SPATA22: variants seen among roughly 807,000 people sequenced by gnomAD.
SPATA22 encodes spermatogenesis associated 22.
SPATA22 carries 29 observed loss-of-function variants against 47.8 expected under a neutral mutation model. That is an observed-to-expected ratio of 0.61 (90% CI 0.45 to 0.83). The LOEUF (loss-of-function observed/expected upper bound fraction) is 0.83. SPATA22 is among the 40% of genes least tolerant of loss of function. The pLI is 0.00. For missense variants in SPATA22, 410 were observed against 421.7 expected (o/e 0.97, Z 0.24); for synonymous variants, 133 against 140.9 (o/e 0.94, Z 0.40).
At chr17:3,472,443 T>A (rs1172865042), upstream of SPATA22, 1 of 152,532 alleles carries the variant, frequency 6.6e-6, no homozygotes, top group East Asian at 1.9e-4. Context: ...GACTGTGGAT[T>A]CCTGGCCCTG....
chr17:3,484,652 A>C (rs1165399516), intron 1 of SPATA22, among the ~76,000 whole-genome samples: 2 of 152,254 alleles, frequency 1.3e-5, no homozygotes, highest in Non-Finnish European at 2.9e-5. Flanking sequence ...AATGTAATTT[A>C]AAAATGGATT....
At chr17:3,443,378 G>C in intron 7 of SPATA22, 107 bp from the exon 8 acceptor site, 1 of 693,520 alleles carries the variant, frequency 1.4e-6, no homozygotes, top group African/African-American at 1.9e-5. Context: ...ACCTCTCATA[G>C]TGCTATTTAT....
intron 1 of SPATA22, among the ~76,000 whole-genome samples, chr17:3,480,121 G>A (rs2073601735): frequency 1.3e-5 from 2 of 152,206 alleles, no homozygotes; most frequent in South Asian, 2.1e-4. Context: ...TAGGCCAGGT[G>A]TGGCTGCTCA....
At chr17:3,492,085 C>A in intron 1 of SPATA22, among the ~76,000 whole-genome samples, 1 of 152,046 alleles carries the variant, frequency 6.6e-6, no homozygotes, top group East Asian at 1.9e-4. Flanking sequence ...CCACGTTGCC[C>A]AGGCTGGTCT....
At position 3,481,806 on chromosome 17, in the gene SPATA22, T is replaced by C. The variant is rs1348671675; in HGVS notation, c.-73-12408A>G. 1 of 1,571,020 alleles carries C rather than the reference T, an allele frequency of 6.4e-7. No homozygotes were observed. The highest frequency in any genetic ancestry group is 8.7e-7 in the Non-Finnish European group (1 of 1,148,764). On this transcript the variant is annotated intron_variant, in intron 1 of 8. Transcript: ENST00000541913. ...ATGTTTCATTACATTAAGGTAATGT[T>C]AATGTTATTAATTTATAAGTTAGCA...
chr17:3,502,741 CCT>C (rs2074006069), intron 1 of SPATA22: 1 of 152,278 alleles, frequency 6.6e-6, no homozygotes, highest in Non-Finnish European at 1.5e-5. Context: ...TCACGCACCC[CCT>C]GAGGAGCTAA....
At chr17:3,480,579 C>T (rs938365407) in intron 1 of SPATA22, among the ~76,000 whole-genome samples, 10 of 152,200 alleles carry the variant, frequency 6.6e-5, no homozygotes, top group Admixed American at 6.5e-4. Flanking sequence ...TTAGGTTTTA[C>T]AATAGTGATG....
chr17:3,448,323 T>G (rs1483757747), intron 6 of SPATA22, among the ~76,000 whole-genome samples: 1 of 152,204 alleles, frequency 6.6e-6, no homozygotes, highest in Non-Finnish European at 1.5e-5. Context: ...AGGAGAGCAG[T>G]GTCCATTCAT....
intron 1 of SPATA22, among the ~76,000 whole-genome samples, chr17:3,509,170 G>A (rs1015385021): frequency 1.3e-5 from 2 of 151,836 alleles, no homozygotes; most frequent in African/African-American, 2.4e-5. Flanking sequence ...CAACAGCCAT[G>A]ATGGATAGAG....
intron 1 of SPATA22, among the ~76,000 whole-genome samples, chr17:3,482,947 C>T (rs1283957479): frequency 1.7e-5 from 2 of 116,150 alleles, no homozygotes; most frequent in Admixed American, 9.8e-5. Flanking sequence ...CCCCTCCCCC[C>T]ACCCCAATTC....
chr17:3,462,236 A>G (rs889727036), intron 5 of SPATA22, among the ~76,000 whole-genome samples: 10 of 152,228 alleles, frequency 6.6e-5, no homozygotes, highest in Non-Finnish European at 1.5e-4. Context: ...CAGAAATTTC[A>G]TTGTCATATT....
chr17:3,449,852 AT>A lies in SPATA22; in HGVS notation c.330-704del, dbSNP rs927595752. ...GAAACAAAACTAGTCTAAGTCACGA[AT>A]TTTTTTTTTTTCTCTTGGAGACAGG... On this transcript the variant is annotated intron_variant, in intron 5 of 8. Coordinates refer to ENST00000572969, the MANE Select transcript of SPATA22 (RefSeq NM_001170698.2). Among the ~76,000 whole-genome samples, 110 of 147,554 alleles carry A rather than the reference AT, an allele frequency of 7.5e-4. No homozygotes were observed. In the South Asian group the frequency reaches 0.013, roughly 18 times the overall value.
chr17:3,454,891 G>C (rs1036475402), intron 5 of SPATA22, among the ~76,000 whole-genome samples: 1 of 152,098 alleles, frequency 6.6e-6, no homozygotes, highest in African/African-American at 2.4e-5. Flanking sequence ...TTCCACAATG[G>C]TTGAACTAGT....
At chr17:3,446,357 C>T (rs2072725981) in intron 7 of SPATA22, 115 bp downstream of exon 7, 2 of 1,008,556 alleles carry the variant, frequency 2.0e-6, no homozygotes, top group South Asian at 1.7e-5. Flanking sequence ...TTTGAATACA[C>T]TTTAGGGAGT....
intron 8 of SPATA22, 56 bp downstream of exon 8, chr17:3,443,118 G>T: frequency 2.6e-6 from 3 of 1,166,044 alleles, no homozygotes; most frequent in Non-Finnish European, 3.8e-6. Flanking sequence ...ATTATAGCCT[G>T]CATGTTTATA....
intron 5 of SPATA22, among the ~76,000 whole-genome samples, chr17:3,461,548 C>T (rs554216044): frequency 6.6e-6 from 1 of 152,200 alleles, no homozygotes; most frequent in Non-Finnish European, 1.5e-5. Context: ...TCCCAAACCA[C>T]TGAACAGGCC....
chr17:3,477,868 T>A (rs1010359439), intron 1 of SPATA22, among the ~76,000 whole-genome samples: 2 of 151,564 alleles, frequency 1.3e-5, no homozygotes, highest in Non-Finnish European at 2.9e-5. Context: ...CCTCAAGGAG[T>A]TGGTAGACTA....
Position 3,494,309 on chromosome 17 carries a change from A to G in SPATA22, c.-74+19103T>C, listed in dbSNP as rs376352563. 1.3e-3 allele frequency: 1,879 copies of G among 1,468,380 alleles called. 1 individual carries two copies. The highest frequency in any genetic ancestry group is 1.7e-3 in the Non-Finnish European group (1,750 of 1,048,816). The allele number at this position is 1,468,380 out of a possible 1,614,324, so 91.0% of individuals were successfully genotyped here. A position where few individuals can be genotyped will look rare whatever the true frequency, so the allele number is the denominator to read the frequency against. On this transcript the variant is annotated intron_variant, in intron 1 of 8. Transcript: ENST00000541913. ...ATGAGCCACCACACCCGGCCCAGAGATGTTTTTAGTTGCCATTGATACATA... is the reference window on the plus strand; with the variant it reads ...ATGAGCCACCACACCCGGCCCAGAGGTGTTTTTAGTTGCCATTGATACATA...
At chr17:3,506,104 G>T (rs1229028557) in intron 1 of SPATA22, among the ~76,000 whole-genome samples, 2 of 152,120 alleles carry the variant, frequency 1.3e-5, no homozygotes, top group Non-Finnish European at 2.9e-5. Flanking sequence ...CCTTCAAGAG[G>T]CTTGTGATCT....
Sources: gnomAD v4.1 joint callset for allele counts (sites outside exome capture counted in the v4.1 genomes callset) on GRCh38, gnomAD v4.1.1 for gene constraint, MANE v1.5 for transcripts, NCBI Gene and HGNC (gene_info 2026-07-23, HGNC 2026-07-21) for gene names.